XYLT1: variants seen among roughly 807,000 people sequenced by gnomAD.
The protein encoded by XYLT1 is xylosyltransferase 1, also known as beta-D-xylosyltransferase 1.
XYLT1 carries 36 observed loss-of-function variants against 91.3 expected under a neutral mutation model. That is an observed-to-expected ratio of 0.39 (90% confidence interval 0.30 to 0.52). The LOEUF (loss-of-function observed/expected upper bound fraction) is 0.52, where lower values mean the gene tolerates loss of function less well. Among genes scored for constraint, XYLT1 ranks in the 20% least tolerant of loss-of-function variants. XYLT1 has a pLI of 0.68. For missense variants in XYLT1, 1,242 were observed against 1,284.5 expected (o/e 0.97, Z 0.51); for synonymous variants, 588 against 532.0 (o/e 1.11, Z -1.45).
At chr16:17,220,969 A>C (rs908564558) in intron 3 of XYLT1, among the ~76,000 whole-genome samples, 5 of 152,190 alleles carry the variant, frequency 3.3e-5, no homozygotes, top group African/African-American at 1.2e-4. Flanking sequence ...TTTCTGTTTT[A>C]TCTCTGTCCC....
At position 17,162,366 on chromosome 16, in the gene XYLT1, C is replaced by A. The variant is rs1249750349; in HGVS notation, c.1290-3457G>T. Among the ~76,000 whole-genome samples, 3 of 150,970 alleles carry A rather than the reference C, an allele frequency of 2.0e-5. No individual in the cohort carries two copies. In the East Asian group the frequency reaches 5.8e-4, roughly 29 times the overall value. On this transcript the variant is annotated intron_variant, in intron 5 of 11. Transcript: ENST00000261381. Reference sequence around the variant, plus strand: ...TGGAGGTTGCAGTGAACACAGATCGCTCCACTCCACTCCAGCCTGGGTGAA... The same window carrying A: ...TGGAGGTTGCAGTGAACACAGATCGATCCACTCCACTCCAGCCTGGGTGAA...
At position 17,107,214 on chromosome 16, in the gene XYLT1, G is replaced by A. The variant is rs569716131; in HGVS notation, c.*1481C>T. On this transcript the variant is annotated 3_prime_UTR_variant, in exon 12 of 12. Coordinates refer to ENST00000261381, the MANE Select transcript of XYLT1 (RefSeq NM_022166.4). ...ACACATCTGGCTAGGATTAGGACAAGTCACACAAAGCGAAGGGCAGCCCCT... is the reference window on the plus strand; with the variant it reads ...ACACATCTGGCTAGGATTAGGACAAATCACACAAAGCGAAGGGCAGCCCCT... 1.3e-5 allele frequency: 2 copies of A among 152,352 alleles called. No homozygotes were observed. Among genetic ancestry groups the A allele is most frequent in the South Asian group, 4.1e-4 (2 of 4,822 alleles). 9.4% of individuals were successfully genotyped at this position (152,352 alleles called of 1,614,324 possible).
intron 1 of XYLT1, among the ~76,000 whole-genome samples, chr16:17,409,809 C>CA (rs1195787314): frequency 9.9e-6 from 1 of 100,748 alleles, no homozygotes; most frequent in Non-Finnish European, 2.3e-5. Flanking sequence ...CTTGCCCTCC[C>CA]AAAGTGCTGG....
chr16:17,250,483 T>C (rs1301470400), intron 3 of XYLT1: 1 of 152,212 alleles, frequency 6.6e-6, no homozygotes, highest in Non-Finnish European at 1.5e-5. Context: ...ATGGTAAAGT[T>C]GAATAGCTGA....
chr16:17,466,317 T>G (rs1374360458), intron 1 of XYLT1, among the ~76,000 whole-genome samples: 1 of 152,182 alleles, frequency 6.6e-6, no homozygotes, highest in Non-Finnish European at 1.5e-5. Context: ...TCTTCTGCAC[T>G]GAAACACTCA....
At chr16:17,138,146 G>GGTTAATGA (rs1021785514) in intron 8 of XYLT1, 4 of 531,930 alleles carry the variant, frequency 7.5e-6, no homozygotes, top group African/African-American at 7.5e-5. Context: ...GTTGTTTTTG[G>GGTTAATGA]GTTAATGAGT....
chr16:17,265,728 G>A (rs1470891992), intron 2 of XYLT1, among the ~76,000 whole-genome samples: 1 of 151,564 alleles, frequency 6.6e-6, no homozygotes, highest in African/African-American at 2.4e-5. Context: ...CGCTGCTGCT[G>A]CAAAGACACG....
At chr16:17,188,012 T>C (rs947092325) in intron 5 of XYLT1, among the ~76,000 whole-genome samples, 5 of 152,080 alleles carry the variant, frequency 3.3e-5, no homozygotes, top group Non-Finnish European at 5.9e-5. Context: ...GAGGCTGTTT[T>C]GCACAGGTGT....
In XYLT1 at chr16:17,134,625, C is replaced by T. The variant is rs182016158; in HGVS notation, c.1875G>A (p.Pro625=). Residue 625 remains proline, a synonymous_variant, in exon 9 of 12, where the codon CCG becomes CCA. Transcript: ENST00000261381. ...YLYGNYPAGT[P]GLRSYWENVY... Reference sequence around the variant, plus strand: ...CATTCTCCCAGTAGGAGCGCAGGCCCGGGGTACCTGCAGGGTAGTTCCCGT... The same window carrying T: ...CATTCTCCCAGTAGGAGCGCAGGCCTGGGGTACCTGCAGGGTAGTTCCCGT... 63 of 1,614,178 alleles carry T rather than the reference C, an allele frequency of 3.9e-5. No individual in the cohort carries two copies. The highest frequency in any genetic ancestry group is 1.1e-4 in the East Asian group (5 of 44,874).
intron 1 of XYLT1, among the ~76,000 whole-genome samples, chr16:17,391,386 C>T (rs769121431): frequency 4.6e-5 from 7 of 152,124 alleles, no homozygotes; most frequent in South Asian, 2.1e-4. Flanking sequence ...TAACTTTGTC[C>T]GCCAAACTAT....
intron 2 of XYLT1, among the ~76,000 whole-genome samples, chr16:17,279,864 C>G (rs1480854079): frequency 6.6e-6 from 1 of 152,190 alleles, no homozygotes; most frequent in East Asian, 1.9e-4. Context: ...CCTTGGGCAC[C>G]CCGCCCTCTG....
chr16:17,213,762 G>A (rs1324762960), intron 3 of XYLT1, among the ~76,000 whole-genome samples: 6 of 151,982 alleles, frequency 3.9e-5, no homozygotes, highest in Non-Finnish European at 7.4e-5. Flanking sequence ...GGGATTACAG[G>A]TGCCCACCCC....
intron 1 of XYLT1, among the ~76,000 whole-genome samples, chr16:17,381,471 CTGGAT>C (rs10562228): frequency 0.43 from 62,242 of 144,592 alleles, 13,919 homozygotes; most frequent in Middle Eastern, 0.51. Flanking sequence ...GTCACCCAAG[CTGGAT>C]TGGAGCGCAG....
At chr16:17,396,989 T>C (rs566037893) in intron 1 of XYLT1, among the ~76,000 whole-genome samples, 91 of 152,328 alleles carry the variant, frequency 6.0e-4, no homozygotes, top group African/African-American at 2.0e-3. Context: ...CGTTCATTTG[T>C]TTACATGTTA....
At position 17,357,952 on chromosome 16, in the gene XYLT1, C is replaced by T. The variant is rs147922496; in HGVS notation, c.402+60G>A. On this transcript the variant is annotated intron_variant, in intron 2 of 11. Transcript: ENST00000261381. Reference sequence around the variant, plus strand: ...AGCCTTTCAGAGCCACGGGACAAGTCCCCTTGAGAGCTGGAATACTAAGGC... The same window carrying T: ...AGCCTTTCAGAGCCACGGGACAAGTTCCCTTGAGAGCTGGAATACTAAGGC... 163 of 1,583,680 alleles carry T rather than the reference C, an allele frequency of 1.0e-4. No individual in the cohort carries two copies. In the African/African-American group the frequency reaches 1.7e-3, roughly 17 times the overall value.
At chr16:17,316,783 C>A (rs1200700242) in intron 2 of XYLT1, among the ~76,000 whole-genome samples, 1 of 150,690 alleles carries the variant, frequency 6.6e-6, no homozygotes, top group East Asian at 2.0e-4. Context: ...TTTACACAGA[C>A]CCTGTTACCT....
chr16:17,357,769 G>A (rs571382618), intron 2 of XYLT1, among the ~76,000 whole-genome samples: 55 of 152,340 alleles, frequency 3.6e-4, no homozygotes, highest in African/African-American at 1.2e-3. Context: ...TATGGTTCTC[G>A]CCACAGGTGG....
chr16:17,291,379 T>C (rs2034223743), intron 2 of XYLT1, among the ~76,000 whole-genome samples: 1 of 152,214 alleles, frequency 6.6e-6, no homozygotes, highest in South Asian at 2.1e-4. Context: ...GTTGGCAGGC[T>C]GAGGTTATTT....
At chr16:17,402,198 T>C (rs990708327) in intron 1 of XYLT1, among the ~76,000 whole-genome samples, 8 of 150,900 alleles carry the variant, frequency 5.3e-5, no homozygotes, top group African/African-American at 1.7e-4. Flanking sequence ...TGCACACCTG[T>C]AGTCCCAGCC....
Sources: gnomAD v4.1 joint callset for allele counts (sites outside exome capture counted in the v4.1 genomes callset) on GRCh38, gnomAD v4.1.1 for gene constraint, MANE v1.5 for transcripts, NCBI Gene and HGNC (gene_info 2026-07-23, HGNC 2026-07-21) for gene names.